Variants in MAP3K5 observed in about 807,000 individuals in gnomAD.
MAP3K5 encodes ASK-1.
Under a neutral mutation model 158.7 loss-of-function variants are expected in MAP3K5, and 56 were observed. The ratio of observed to expected loss-of-function variants is 0.35; its 90% CI spans 0.28 to 0.44. The LOEUF (loss-of-function observed/expected upper bound fraction) is 0.44, where lower values mean the gene tolerates loss of function less well. Among genes scored for constraint, MAP3K5 ranks in the 20% least tolerant of loss-of-function variants. The probability of loss-of-function intolerance (pLI) is 1.00; values close to 1 mark genes in which losing one functional copy is unlikely to be tolerated. For synonymous variants in MAP3K5, 579 were observed against 601.7 expected, an observed-to-expected ratio of 0.96 and a Z score of 0.55; for missense variants, 1,294 against 1,674.8, an observed-to-expected ratio of 0.77 and a Z score of 3.97.
intron 7 of MAP3K5, among the ~76,000 whole-genome samples, chr6:136,683,391 TG>T (rs1021066912): frequency 6.6e-6 from 1 of 152,196 alleles, no homozygotes; most frequent in African/African-American, 2.4e-5. Context: ...GGGTTGGTCT[TG>T]GAATGGCCAT....
intron 24 of MAP3K5, 109 bp downstream of exon 24, chr6:136,583,446 A>G (rs1243020148): frequency 1.4e-5 from 14 of 1,008,608 alleles, no homozygotes; most frequent in Non-Finnish European, 2.0e-5. Flanking sequence ...ATCCAAAAAG[A>G]ATAGAGTTCA....
chr6:136,612,450 CTTTCT>C (rs1776385940), intron 17 of MAP3K5, among the ~76,000 whole-genome samples: 1 of 152,108 alleles, frequency 6.6e-6, no homozygotes, highest in African/African-American at 2.4e-5. Context: ...AGTTACCTTA[CTTTCT>C]TTTCTATGTT....
chr6:136,717,640 A>G (rs573178210), intron 2 of MAP3K5, among the ~76,000 whole-genome samples: 27 of 152,262 alleles, frequency 1.8e-4, no homozygotes, highest in Non-Finnish European at 3.4e-4. Flanking sequence ...CAGTTTTCCT[A>G]TCTGTTGGTC....
At position 136,621,726 on chromosome 6, in the gene MAP3K5, G is replaced by A. The variant is rs573772381; in HGVS notation, c.2150+1122C>T. ...TACTCCACTTCCCCTAGTTTGGTTA[G>A]GCTCCGGTAAAATAGAGTCTCTTGT... On this transcript the variant is annotated intron_variant, in intron 15 of 29. Transcript: ENST00000359015. 2.0e-5 allele frequency among the ~76,000 whole-genome samples: 3 copies of A among 152,294 alleles called. No homozygotes were observed. The East Asian group carries it at 5.8e-4, about 29-fold the overall frequency.
In MAP3K5 at chr6:136,725,022, G is replaced by T. The variant is rs1244196810; in HGVS notation, c.449-4433C>A. On this transcript the variant is annotated intron_variant, in intron 1 of 29. Transcript: ENST00000359015. ...ACCTTTCCCAGAATGTCATATAAAT[G>T]GAATCATACAGTATGTAGCCTTTTG... is the stretch of plus-strand genomic sequence containing the variant. Among the ~76,000 whole-genome samples the T allele has an allele frequency of 2.0e-5, 3 of 152,090 alleles. No individual in the cohort carries two copies. The East Asian group carries it at 5.8e-4, about 29-fold the overall frequency.
intron 23 of MAP3K5, among the ~76,000 whole-genome samples, chr6:136,591,966 A>G (rs779231453): frequency 5.9e-5 from 9 of 152,206 alleles, no homozygotes; most frequent in Non-Finnish European, 5.9e-5. Flanking sequence ...ATGTTCAAAA[A>G]TGCAATGAAA....
At chr6:136,590,424 T>C (rs75122064) in intron 23 of MAP3K5, among the ~76,000 whole-genome samples, 4,575 of 152,202 alleles carry the variant, frequency 0.03, 233 homozygotes, top group African/African-American at 0.1. Context: ...ATACAGCAGA[T>C]CCTCAAATAA....
At chr6:136,585,175 C>T (rs1316258711) in intron 23 of MAP3K5, among the ~76,000 whole-genome samples, 2 of 150,100 alleles carry the variant, frequency 1.3e-5, no homozygotes, top group Non-Finnish European at 3.0e-5. Flanking sequence ...TGCAGTGGCA[C>T]AATCATAGCT....
intron 1 of MAP3K5, among the ~76,000 whole-genome samples, chr6:136,789,793 A>T (rs1394829520): frequency 1.4e-5 from 2 of 145,892 alleles, no homozygotes; most frequent in Non-Finnish European, 3.0e-5. Context: ...GGTTCAAGTG[A>T]TTATCCTGCC....
At chr6:136,679,500 G>A (rs879416353) in intron 7 of MAP3K5, among the ~76,000 whole-genome samples, 48 of 152,124 alleles carry the variant, frequency 3.2e-4, no homozygotes, top group Admixed American at 2.4e-3. Flanking sequence ...AAACAAAGCA[G>A]GACAGCATGT....
intron 24 of MAP3K5, 60 bp downstream of exon 24, chr6:136,583,491 TTTTA>T: frequency 7.2e-7 from 1 of 1,384,552 alleles, no homozygotes; most frequent in Non-Finnish European, 9.8e-7. Context: ...AGAACTTATG[TTTTA>T]TCTTATTTTT....
intron 1 of MAP3K5, 120 bp from the exon 2 acceptor site, chr6:136,720,709 T>C: frequency 1.4e-6 from 1 of 725,154 alleles, no homozygotes; most frequent in Non-Finnish European, 2.2e-6. Context: ...AGGGATTTTC[T>C]CTCTTCATTT....
chr6:136,751,214 T>A (rs1783194460), intron 1 of MAP3K5, among the ~76,000 whole-genome samples: 1 of 151,034 alleles, frequency 6.6e-6, no homozygotes, highest in Non-Finnish European at 1.5e-5. Flanking sequence ...AGAAGGCCCA[T>A]TATCCTGAAC....
intron 1 of MAP3K5, among the ~76,000 whole-genome samples, chr6:136,769,794 AGGGAGGGAGGGAGGGAGGGGAC>A (rs1784116246): frequency 2.6e-5 from 1 of 38,144 alleles, no homozygotes; most frequent in Non-Finnish European, 4.8e-5. Context: ...GAAGGAAGGA[AGGGAGGGAGGGAGGGAGGGGAC>A]GGGAGGGAGG....
At chr6:136,595,404 C>G (rs1021253811) in intron 21 of MAP3K5, among the ~76,000 whole-genome samples, 1 of 152,194 alleles carries the variant, frequency 6.6e-6, no homozygotes, top group Non-Finnish European at 1.5e-5. Flanking sequence ...CCGCACCCGG[C>G]CTGCTTGATT....
chr6:136,631,266 C>T (rs1041465011), intron 14 of MAP3K5, among the ~76,000 whole-genome samples: 1 of 152,166 alleles, frequency 6.6e-6, no homozygotes, highest in African/African-American at 2.4e-5. Flanking sequence ...ATACTCATAT[C>T]ATACAACACT....
chr6:136,676,093 A>G (rs1426801498), intron 7 of MAP3K5, among the ~76,000 whole-genome samples: 1 of 152,230 alleles, frequency 6.6e-6, no homozygotes, highest in African/African-American at 2.4e-5. Flanking sequence ...AACAGAATTT[A>G]TAATAATCTG....
intron 1 of MAP3K5, among the ~76,000 whole-genome samples, chr6:136,775,548 C>T (rs1784371831): frequency 6.6e-6 from 1 of 152,142 alleles, no homozygotes; most frequent in Non-Finnish European, 1.5e-5. Flanking sequence ...TCCTCTGGCA[C>T]AGAACTCTTT....
At chr6:136,645,820 T>C (rs1221991954) in intron 11 of MAP3K5, among the ~76,000 whole-genome samples, 3 of 151,884 alleles carry the variant, frequency 2.0e-5, no homozygotes, top group African/African-American at 7.3e-5. Context: ...TTCCATATGT[T>C]AGAATAAAAA....
Sources: gnomAD v4.1 joint callset for allele counts (sites outside exome capture counted in the v4.1 genomes callset) on GRCh38, gnomAD v4.1.1 for gene constraint, MANE v1.5 for transcripts, NCBI Gene and HGNC (gene_info 2026-07-23, HGNC 2026-07-21) for gene names.